Variants in KMT5B observed in about 807,000 individuals in gnomAD.
The protein encoded by KMT5B is histone-lysine N-methyltransferase KMT5B.
KMT5B carries 10 observed loss-of-function variants against 83.2 expected under a neutral mutation model. The observed-to-expected ratio is 0.12, with a 90% CI of 0.07 to 0.20. KMT5B has a LOEUF of 0.20. Among genes scored for constraint, KMT5B ranks in the 10% least tolerant of loss-of-function variants. The pLI is 1.00. For missense variants in KMT5B, 753 were observed against 1,067.2 expected, an observed-to-expected ratio of 0.71 and a Z score of 4.10; for synonymous variants, 349 against 388.8, an observed-to-expected ratio of 0.90 and a Z score of 1.20.
chr11:68,179,822 C>T, intron 4 of KMT5B: 1 of 389,396 alleles, frequency 2.6e-6, no homozygotes, highest in Non-Finnish European at 4.4e-6. Context: ...CTCTTCAGTC[C>T]TTCTTGACCT....
chr11:68,166,506 G>A (rs760410779), intron 10 of KMT5B: 9 of 1,001,992 alleles, frequency 9.0e-6, no homozygotes, highest in East Asian at 2.0e-4. Context: ...GAGTCAGTTC[G>A]TTTTGAAAAA....
At chr11:68,184,227 C>G (rs942198184) in intron 3 of KMT5B, among the ~76,000 whole-genome samples, 1 of 151,948 alleles carries the variant, frequency 6.6e-6, no homozygotes, top group African/African-American at 2.4e-5. Flanking sequence ...CAAAAATTAG[C>G]TGGGTGCAGT....
intron 10 of KMT5B, 42 bp from the exon 11 acceptor site, chr11:68,159,213 G>C: frequency 6.6e-7 from 1 of 1,510,014 alleles, no homozygotes; most frequent in Middle Eastern, 1.8e-4. Flanking sequence ...CTTGGTAACA[G>C]CAGAGTTCAA....
intron 10 of KMT5B, among the ~76,000 whole-genome samples, chr11:68,162,231 A>G (rs937505970): frequency 6.6e-6 from 1 of 152,208 alleles, no homozygotes; most frequent in Non-Finnish European, 1.5e-5. Flanking sequence ...CATAGCCAGG[A>G]TGACTTTCCT....
rs146433697 is a variant in KMT5B, at chr11:68,160,803, C to T, written c.1175-1632G>A. On this transcript the variant is annotated intron_variant, in intron 10 of 10. Coordinates refer to ENST00000304363, the MANE Select transcript of KMT5B (RefSeq NM_017635.5). ...CTCTACTAAAAATACAAAAATTAGT[C>T]GGGCACGGTGGTACGTGCCTGTAAT... Among the ~76,000 whole-genome samples, 308 of 152,126 alleles carry T rather than the reference C, an allele frequency of 2.0e-3. 1 individual carries two copies. The highest frequency in any genetic ancestry group is 5.4e-3 in the Admixed American group (82 of 15,272).
In KMT5B at chr11:68,167,122, A is replaced by G. The variant is rs866346779; in HGVS notation, c.1034T>C (p.Ile345Thr). The G allele has an allele frequency of 6.2e-7, 1 of 1,613,968 alleles. No individual in the cohort carries two copies. The change falls in exon 10 of 11, where the codon ATC becomes ACC. Residue 345 changes from isoleucine (I) to threonine (T), a missense_variant. This residue lies in a region of KMT5B where 16 missense variants were observed against 16.1 expected (regional missense o/e 0.99). Transcript: ENST00000304363. ...RVGLPAPAPV[I>T]NSKYGLRETD... ...TTCTCTGAGTCCATATTTGCTATTG[A>G]TAACAGGAGCAGGCGCAGGCAGTCC...
chr11:68,185,544 C>A lies in KMT5B; in HGVS notation c.308+237G>T, dbSNP rs1194735963. ...TAAAATAGAACATGAGGATGCTCCT[C>A]CAGCTTTATACGTTAATAGAAATGT... On this transcript the variant is annotated intron_variant, in intron 3 of 10. Coordinates refer to ENST00000304363, the MANE Select transcript of KMT5B (RefSeq NM_017635.5). Among the ~76,000 whole-genome samples the A allele has an allele frequency of 3.3e-5, 5 of 152,166 alleles. No individual in the cohort carries two copies. The East Asian group carries it at 9.6e-4, about 29-fold the overall frequency.
At position 68,158,858 on chromosome 11, in the gene KMT5B, T is replaced by C. The variant is rs748575607; in HGVS notation, c.1488A>G (p.Pro496=). 6.2e-7 allele frequency: 1 copy of C among 1,614,198 alleles called. No homozygotes were observed. The highest frequency in any genetic ancestry group is 2.2e-5 in the East Asian group (1 of 44,892). Residue 496 remains proline, a synonymous_variant, in exon 11 of 11, where the codon CCA becomes CCG. Transcript: ENST00000304363. The part of the protein sequence containing the change: ...KNLPIKKDKE[P]EGPAQAAVAS... ...CAACTGCGGCTTGGGCTGGTCCCTC[T>C]GGCTCCTTATCTTTTTTAATGGGCA...
At chr11:68,181,362 C>G (rs1231773679) in intron 3 of KMT5B, among the ~76,000 whole-genome samples, 1 of 152,162 alleles carries the variant, frequency 6.6e-6, no homozygotes, top group African/African-American at 2.4e-5. Context: ...CGTGAGCCAT[C>G]ACGCCCGGGC....
At chr11:68,213,059 C>G in intron 1 of KMT5B, 79 bp downstream of exon 1, 1 of 120,698 alleles carries the variant, frequency 8.3e-6, no homozygotes, top group Non-Finnish European at 1.7e-5. Context: ...GGCCCGCGGT[C>G]CCCCACGTCC....
intron 1 of KMT5B, among the ~76,000 whole-genome samples, chr11:68,196,178 ATT>A (rs1021876704): frequency 6.6e-6 from 1 of 151,390 alleles, no homozygotes; most frequent in African/African-American, 2.4e-5. Flanking sequence ...AATAAAATGC[ATT>A]TTTTTCCTGG....
intron 1 of KMT5B, among the ~76,000 whole-genome samples, chr11:68,197,682 G>A (rs1329169039): frequency 2.6e-5 from 4 of 152,114 alleles, no homozygotes; most frequent in Admixed American, 6.5e-5. Flanking sequence ...TTTATATTGT[G>A]ATCAACTGAT....
chr11:68,166,433 C>G, intron 10 of KMT5B: 1 of 1,007,908 alleles, frequency 9.9e-7, no homozygotes, highest in Non-Finnish European at 1.2e-6. Context: ...TGTCACAATA[C>G]GGCACTGTTC....
Position 68,158,326 on chromosome 11 carries a change from C to G in KMT5B, c.2020G>C (p.Gly674Arg). 1 of 1,614,162 alleles carries G rather than the reference C, an allele frequency of 6.2e-7. No homozygotes were observed. The highest frequency in any genetic ancestry group is 1.1e-5 in the South Asian group (1 of 91,082). ...SYTDCAPSPV[G>R]CSVVTSDSFK... ...CTATCTGATGTCACAACTGAACAAC[C>G]GACGGGTGAAGGAGCACAGTCTGTG... The change falls in exon 11 of 11, where the codon GGT (glycine) becomes CGT (arginine). Residue 674 changes from glycine (G) to arginine (R), a missense_variant. Coordinates refer to ENST00000304363, the MANE Select transcript of KMT5B (RefSeq NM_017635.5).
At chr11:68,170,352 G>C (rs1416072288) in intron 9 of KMT5B, among the ~76,000 whole-genome samples, 3 of 152,144 alleles carry the variant, frequency 2.0e-5, no homozygotes, top group Non-Finnish European at 4.4e-5. Context: ...TGGACTCCAG[G>C]TTTCCTTCTC....
At position 68,157,042 on chromosome 11, in the gene KMT5B, T is replaced by C. The variant is rs1286499447; in HGVS notation, c.*646A>G. 6.6e-6 allele frequency: 1 copy of C among 151,920 alleles called. No homozygotes were observed. The highest frequency in any genetic ancestry group is 2.4e-5 in the African/African-American group (1 of 41,364). 9.4% of individuals were successfully genotyped at this position (151,920 alleles called of 1,614,324 possible). On this transcript the variant is annotated 3_prime_UTR_variant, in exon 11 of 11. Coordinates refer to ENST00000304363, the MANE Select transcript of KMT5B (RefSeq NM_017635.5). The stretch of plus-strand genomic sequence containing the variant: ...CTGTATCGAACCTCATCCCACACAC[T>C]GCTACCCTCGTACATATAATGAACT...
intron 10 of KMT5B, among the ~76,000 whole-genome samples, chr11:68,163,677 C>A (rs1565218376): frequency 6.6e-6 from 1 of 152,166 alleles, no homozygotes; most frequent in Non-Finnish European, 1.5e-5. Flanking sequence ...AGGCCTCTGA[C>A]AGGACTTTAA....
intron 4 of KMT5B, among the ~76,000 whole-genome samples, chr11:68,175,997 C>T (rs2153056839): frequency 6.7e-6 from 1 of 150,202 alleles, no homozygotes; most frequent in East Asian, 2.0e-4. Context: ...TCACTGCAAC[C>T]TCTGCCTCCC....
chr11:68,210,076 A>AC, intron 1 of KMT5B, among the ~76,000 whole-genome samples: 1 of 151,870 alleles, frequency 6.6e-6, no homozygotes, highest in African/African-American at 2.4e-5. Flanking sequence ...TCAATTCCTG[A>AC]CCTCGTGATC....
Sources: gnomAD v4.1 joint callset for allele counts (sites outside exome capture counted in the v4.1 genomes callset) on GRCh38, gnomAD v4.1.1 for gene constraint, gnomAD v4.1.1 regional missense constraint, MANE v1.5 for transcripts, NCBI Gene and HGNC (gene_info 2026-07-23, HGNC 2026-07-21) for gene names.